TMEM181: variants seen among roughly 807,000 people sequenced by gnomAD.
TMEM181 encodes G protein-coupled receptor 178.
In TMEM181, 39 loss-of-function variants were observed where a neutral mutation model predicts 71.9. The observed-to-expected ratio is 0.54, with a 90% CI of 0.42 to 0.71. The LOEUF is 0.71. Among genes scored for constraint, TMEM181 ranks in the 30% least tolerant of loss-of-function variants. The pLI is 0.00. For synonymous variants in TMEM181, 245 were observed against 228.8 expected (o/e 1.07, Z -0.64); for missense variants, 595 against 583.0 (o/e 1.02, Z -0.21).
chr6:158,622,967 G>C (rs549896802), intron 10 of TMEM181, among the ~76,000 whole-genome samples: 2 of 152,304 alleles, frequency 1.3e-5, no homozygotes, highest in South Asian at 4.1e-4. Flanking sequence ...CCCCACAGCA[G>C]AAGCCTAGTG....
intron 2 of TMEM181, among the ~76,000 whole-genome samples, chr6:158,576,268 G>A (rs1783149209): frequency 6.6e-6 from 1 of 152,208 alleles, no homozygotes; most frequent in Non-Finnish European, 1.5e-5. Flanking sequence ...CTAAATGTGT[G>A]TTCCTAGCGC....
At chr6:158,591,924 G>GC (rs2128306623) in intron 6 of TMEM181, among the ~76,000 whole-genome samples, 1 of 152,292 alleles carries the variant, frequency 6.6e-6, no homozygotes, top group African/African-American at 2.4e-5. Flanking sequence ...CTAGGTACAT[G>GC]CCATTCTGCC....
chr6:158,593,996 C>A (rs1020760424), intron 6 of TMEM181, among the ~76,000 whole-genome samples: 8 of 151,894 alleles, frequency 5.3e-5, no homozygotes, highest in African/African-American at 1.9e-4. Flanking sequence ...CCGTAGAGTT[C>A]ATTTCAGTGC....
chr6:158,581,164 T>G (rs1487693708), intron 3 of TMEM181, among the ~76,000 whole-genome samples, 169 bp downstream of exon 3: 2 of 152,222 alleles, frequency 1.3e-5, no homozygotes, highest in Non-Finnish European at 2.9e-5. Flanking sequence ...GGTTCTTGTT[T>G]GCTAAAGTCA....
intron 10 of TMEM181, among the ~76,000 whole-genome samples, chr6:158,622,332 G>C (rs1786012903): frequency 6.6e-6 from 1 of 152,218 alleles, no homozygotes; most frequent in African/African-American, 2.4e-5. Flanking sequence ...CAGTCCCTGT[G>C]TGTGGGATAA....
intron 6 of TMEM181, among the ~76,000 whole-genome samples, chr6:158,591,515 C>A (rs1438694492): frequency 6.6e-6 from 1 of 151,980 alleles, no homozygotes; most frequent in Non-Finnish European, 1.5e-5. Flanking sequence ...TCTTAGTCTT[C>A]AGAGAATCCG....
At chr6:158,571,965 C>A (rs928683749) in intron 1 of TMEM181, among the ~76,000 whole-genome samples, 2 of 152,234 alleles carry the variant, frequency 1.3e-5, no homozygotes, top group African/African-American at 4.8e-5. Context: ...CCACCTCCTT[C>A]CCCAGCTCTC....
In TMEM181 at chr6:158,592,315, A is replaced by C. The variant is rs142862605; in HGVS notation, c.492+2533A>C. Among the ~76,000 whole-genome samples the C allele has an allele frequency of 2.5e-3, 385 of 152,336 alleles. 1 individual carries two copies. Among genetic ancestry groups the C allele is most frequent in the African/African-American group, 8.3e-3 (347 of 41,574 alleles). ...CCTTGCTTTAAACCAAAGATTAGAG[A>C]GTTCAAGAATGAATGTCTTTTTTCA... On this transcript the variant is annotated intron_variant, in intron 6 of 16. Transcript: ENST00000684151.
chr6:158,596,163 G>T (rs928140744), intron 6 of TMEM181, among the ~76,000 whole-genome samples: 1 of 152,014 alleles, frequency 6.6e-6, no homozygotes, highest in South Asian at 2.1e-4. Flanking sequence ...CTCATGATCC[G>T]CCCGCCTAGT....
intron 1 of TMEM181, among the ~76,000 whole-genome samples, chr6:158,567,476 G>T (rs889002422): frequency 6.6e-6 from 1 of 152,254 alleles, no homozygotes; most frequent in Non-Finnish European, 1.5e-5. Flanking sequence ...GACTGCATCT[G>T]TTGTAATGGT....
intron 1 of TMEM181, among the ~76,000 whole-genome samples, chr6:158,562,867 C>T (rs1782266548): frequency 6.6e-6 from 1 of 152,176 alleles, no homozygotes; most frequent in South Asian, 2.1e-4. Flanking sequence ...TCACTATCAC[C>T]TTTCGTGAGG....
intron 10 of TMEM181, among the ~76,000 whole-genome samples, chr6:158,613,338 G>A (rs1785433511): frequency 6.6e-6 from 1 of 152,062 alleles, no homozygotes; most frequent in Admixed American, 6.5e-5. Flanking sequence ...TTATTTATTT[G>A]TATACAGTGC....
chr6:158,567,606 G>A (rs568973731), intron 1 of TMEM181, among the ~76,000 whole-genome samples: 85 of 152,344 alleles, frequency 5.6e-4, no homozygotes, highest in Non-Finnish European at 5.6e-4. Flanking sequence ...AGAAGAGAGA[G>A]CATCTTAGAT....
chr6:158,618,708 CA>C (rs1321304758), intron 10 of TMEM181, among the ~76,000 whole-genome samples: 1 of 152,212 alleles, frequency 6.6e-6, no homozygotes, highest in Admixed American at 6.5e-5. Context: ...AATCTCTCAG[CA>C]TTTGCTGTCT....
rs1435310020 is a variant in TMEM181, at chr6:158,635,333, C to A, written c.*3445C>A. 1 of 152,202 alleles carries A rather than the reference C, an allele frequency of 6.6e-6. No individual in the cohort carries two copies. The highest frequency in any genetic ancestry group is 6.5e-5 in the Admixed American group (1 of 15,282). The allele number at this position is 152,202 out of a possible 1,614,324, so 9.4% of individuals were successfully genotyped here. A position where few individuals can be genotyped will look rare whatever the true frequency, so the allele number is the denominator to read the frequency against. The stretch of plus-strand genomic sequence containing the variant: ...CCATCACAGTGTTGCTGTCATCAGG[C>A]AAAAGTGAATGTTTGTTTATGGCAA... On this transcript the variant is annotated 3_prime_UTR_variant, in exon 17 of 17. Coordinates refer to ENST00000684151, the MANE Select transcript of TMEM181 (RefSeq NM_001376852.1).
chr6:158,548,030 G>A (rs1008257523), intron 1 of TMEM181, among the ~76,000 whole-genome samples: 5 of 151,512 alleles, frequency 3.3e-5, no homozygotes, highest in African/African-American at 1.2e-4. Flanking sequence ...GGGCTCCTTC[G>A]CCCCACGCTG....
At chr6:158,586,525 C>A (rs9457408) in intron 5 of TMEM181, among the ~76,000 whole-genome samples, 2 of 151,966 alleles carry the variant, frequency 1.3e-5, no homozygotes, top group African/African-American at 4.8e-5. Flanking sequence ...CCCAAGGTAA[C>A]GCAGATATTA....
At chr6:158,614,800 C>T (rs1261570004) in intron 10 of TMEM181, among the ~76,000 whole-genome samples, 1 of 152,202 alleles carries the variant, frequency 6.6e-6, no homozygotes, top group East Asian at 1.9e-4. Flanking sequence ...ATCCATGTCC[C>T]TGCAAAGGAC....
intron 6 of TMEM181, among the ~76,000 whole-genome samples, chr6:158,597,505 G>GC (rs1478908929): frequency 1.3e-5 from 2 of 151,736 alleles, no homozygotes; most frequent in Non-Finnish European, 2.9e-5. Context: ...GCCTCAGCTA[G>GC]CCCCCCCTTT....
Sources: gnomAD v4.1 joint callset for allele counts (sites outside exome capture counted in the v4.1 genomes callset) on GRCh38, gnomAD v4.1.1 for gene constraint, MANE v1.5 for transcripts, NCBI Gene and HGNC (gene_info 2026-07-23, HGNC 2026-07-21) for gene names.